Variants in UBE3C observed in about 807,000 individuals in gnomAD.
UBE3C encodes ubiquitin-protein ligase E3C.
Under a neutral mutation model 129.4 loss-of-function variants are expected in UBE3C, and 42 were observed. That is an observed-to-expected ratio of 0.32 (90% CI 0.25 to 0.42). The LOEUF (loss-of-function observed/expected upper bound fraction) is 0.42. UBE3C is among the 10% of genes least tolerant of loss of function. The pLI, the probability that UBE3C is intolerant of heterozygous loss-of-function variation, is 1.00. For synonymous variants in UBE3C, 510 were observed against 492.4 expected, an observed-to-expected ratio of 1.04 and a Z score of -0.47; for missense variants, 1,049 against 1,319.1, an observed-to-expected ratio of 0.80 and a Z score of 3.17.
At chr7:157,255,236 A>C (rs1048585105) in intron 21 of UBE3C, among the ~76,000 whole-genome samples, 2 of 152,262 alleles carry the variant, frequency 1.3e-5, no homozygotes, top group African/African-American at 4.8e-5. Flanking sequence ...GATGTTCAGC[A>C]TCATTAGTCA....
chr7:157,251,802 A>G (rs1796626281), intron 19 of UBE3C, among the ~76,000 whole-genome samples: 1 of 152,174 alleles, frequency 6.6e-6, no homozygotes, highest in African/African-American at 2.4e-5. Flanking sequence ...GCTTAGCCTG[A>G]GAGAGAATTT....
At chr7:157,140,157 C>T (rs1807398857) in intron 1 of UBE3C, 2 of 364,030 alleles carry the variant, frequency 5.5e-6, no homozygotes, top group Non-Finnish European at 7.6e-6. Context: ...GTCTTGTTCC[C>T]GCCCCTCCCT....
chr7:157,173,142 G>T (rs529167666), intron 4 of UBE3C, among the ~76,000 whole-genome samples: 1 of 152,196 alleles, frequency 6.6e-6, no homozygotes, highest in Non-Finnish European at 1.5e-5. Flanking sequence ...GTGGGGCTGA[G>T]GTGGGAGGAT....
At chr7:157,266,110 C>T (rs1045930313) in intron 22 of UBE3C, among the ~76,000 whole-genome samples, 1 of 152,102 alleles carries the variant, frequency 6.6e-6, no homozygotes, top group African/African-American at 2.4e-5. Context: ...GTCAGGAGAT[C>T]GAGATCATCC....
intron 19 of UBE3C, among the ~76,000 whole-genome samples, chr7:157,252,691 C>T (rs1357085343): frequency 6.6e-6 from 1 of 152,216 alleles, no homozygotes; most frequent in Non-Finnish European, 1.5e-5. Flanking sequence ...ACTGGGACAT[C>T]AGTGCCATTG....
In UBE3C at chr7:157,169,087, T is replaced by C. The variant is rs1452391969; in HGVS notation, c.160T>C (p.Ser54Pro). The C allele has an allele frequency of 2.5e-6, 4 of 1,613,844 alleles. No individual in the cohort carries two copies. Reference sequence around the variant, plus strand: ...GTTGAAAAATGCAATAATTATCCAGTCATTTATTCGAGGCTATAGAGACAG... The same window carrying C: ...GTTGAAAAATGCAATAATTATCCAGCCATTTATTCGAGGCTATAGAGACAG... ...RRLKNAIIIQ[S>P]FIRGYRDRKQ... Residue 54 changes from serine to proline, a missense_variant, in exon 3 of 23, where the codon TCA becomes CCA. Physicochemically the swap from Ser to Pro is moderately conservative, Grantham distance 74 (BLOSUM62 -1). Coordinates refer to ENST00000348165, the MANE Select transcript of UBE3C (RefSeq NM_014671.3).
At chr7:157,237,557 C>G (rs977121532) in intron 18 of UBE3C, among the ~76,000 whole-genome samples, 5 of 152,152 alleles carry the variant, frequency 3.3e-5, no homozygotes, top group African/African-American at 1.2e-4. Context: ...TTATTTTTCT[C>G]ATCACGCCCA....
chr7:157,140,016 A>G (rs889312685), intron 1 of UBE3C: 5 of 985,310 alleles, frequency 5.1e-6, no homozygotes, highest in East Asian at 2.3e-4. Flanking sequence ...AGTTGTTCGC[A>G]TGGTAATTGT....
chr7:157,147,905 A>C (rs976375858), intron 1 of UBE3C, among the ~76,000 whole-genome samples: 4 of 152,198 alleles, frequency 2.6e-5, no homozygotes, highest in Admixed American at 1.3e-4. Context: ...ACTGTGATGC[A>C]TAATTCTTTG....
At chr7:157,258,099 C>T (rs1418170161) in intron 22 of UBE3C, among the ~76,000 whole-genome samples, 1 of 151,958 alleles carries the variant, frequency 6.6e-6, no homozygotes. Context: ...AGGCATGTAC[C>T]ACCATGCCTG....
chr7:157,159,608 C>A (rs1054476119), intron 1 of UBE3C, among the ~76,000 whole-genome samples: 8 of 152,202 alleles, frequency 5.3e-5, no homozygotes, highest in Non-Finnish European at 1.0e-4. Context: ...TGGCTCATGC[C>A]TGTAATACCA....
chr7:157,219,959 C>G (rs116380899), intron 14 of UBE3C, among the ~76,000 whole-genome samples: 12 of 151,766 alleles, frequency 7.9e-5, no homozygotes, highest in African/African-American at 2.9e-4. Context: ...GCCTGTGACC[C>G]GGGCACTTTG....
At chr7:157,185,166 G>A (rs760339548) in intron 9 of UBE3C, among the ~76,000 whole-genome samples, 15 of 152,254 alleles carry the variant, frequency 9.9e-5, no homozygotes, top group Admixed American at 3.3e-4. Context: ...TTCATGTGAA[G>A]ATGAGGCTGT....
At chr7:157,166,385 A>G (rs1808212963) in intron 2 of UBE3C, among the ~76,000 whole-genome samples, 1 of 152,146 alleles carries the variant, frequency 6.6e-6, no homozygotes, top group East Asian at 1.9e-4. Flanking sequence ...TATATCCTGA[A>G]TTATTTTTCT....
chr7:157,167,331 T>C lies in UBE3C; in HGVS notation c.121-1717T>C, dbSNP rs564523053. 2.0e-5 allele frequency among the ~76,000 whole-genome samples: 3 copies of C among 152,320 alleles called. No homozygotes were observed. The South Asian group carries it at 6.2e-4, about 32-fold the overall frequency. Reference sequence around the variant, plus strand: ...AGTGTGTGTGTTAGTCTCAGCTTTGTAGATGGCATTCATAGAAGACATGAA... The same window carrying C: ...AGTGTGTGTGTTAGTCTCAGCTTTGCAGATGGCATTCATAGAAGACATGAA... On this transcript the variant is annotated intron_variant, in intron 2 of 22. Transcript: ENST00000348165.
chr7:157,206,940 A>C (rs751802610), intron 11 of UBE3C, among the ~76,000 whole-genome samples: 1 of 152,224 alleles, frequency 6.6e-6, no homozygotes, highest in Non-Finnish European at 1.5e-5. Context: ...AATATTGAAT[A>C]GCTTTCAACG....
Position 157,153,915 on chromosome 7 carries a change from G to A in UBE3C, c.67-9895G>A, listed in dbSNP as rs142613325. Among the ~76,000 whole-genome samples, 210 of 152,170 alleles carry A rather than the reference G, an allele frequency of 1.4e-3. 1 individual carries two copies. Among genetic ancestry groups the A allele is most frequent in the African/African-American group, 4.7e-3 (194 of 41,518 alleles). ...GGCTGAGGTGGGAGGACGGCTTGGT[G>A]GGGCGGGGGCGAGGTTGCAGTGAGT... On this transcript the variant is annotated intron_variant, in intron 1 of 22. Transcript: ENST00000348165.
At chr7:157,167,735 A>G (rs1490821718) in intron 2 of UBE3C, among the ~76,000 whole-genome samples, 1 of 151,540 alleles carries the variant, frequency 6.6e-6, no homozygotes, top group Non-Finnish European at 1.5e-5. Context: ...GTATGGTTTC[A>G]CCATTTTAAC....
intron 1 of UBE3C, among the ~76,000 whole-genome samples, chr7:157,159,079 C>T (rs114864393): frequency 0.014 from 2,190 of 152,246 alleles, 42 homozygotes; most frequent in African/African-American, 0.049. Flanking sequence ...AAGTCATGGG[C>T]GGTAACTACC....
Sources: allele counts gnomAD v4.1 joint callset (sites outside exome capture counted in the v4.1 genomes callset), GRCh38; gene constraint gnomAD v4.1.1; transcripts MANE v1.5; gene names NCBI Gene and HGNC (gene_info 2026-07-23, HGNC 2026-07-21).